Variants in STX8 observed in about 807,000 individuals in gnomAD.
STX8 encodes syntaxin-8.
A neutral mutation model predicts 37.5 loss-of-function variants in STX8; 23 were observed. The observed-to-expected ratio is 0.61, with a 90% CI of 0.44 to 0.87. STX8 has a LOEUF of 0.87. Ranked by LOEUF, STX8 falls within the 40% of genes least tolerant of loss-of-function variation. The pLI is 0.00. For synonymous variants in STX8, 115 were observed against 99.1 expected (o/e 1.16, Z -0.95); for missense variants, 313 against 284.7 (o/e 1.10, Z -0.71).
chr17:9,293,418 C>T (rs554593289), intron 7 of STX8, among the ~76,000 whole-genome samples: 1 of 152,136 alleles, frequency 6.6e-6, no homozygotes, highest in African/African-American at 2.4e-5. Context: ...AAGTCATCCC[C>T]TACCTGTAAT....
chr17:9,386,577 G>GGGCAGGCA (rs957695108), intron 6 of STX8, among the ~76,000 whole-genome samples: 6 of 151,910 alleles, frequency 3.9e-5, no homozygotes, highest in African/African-American at 9.7e-5. Flanking sequence ...GCTGGCAGGC[G>GGGCAGGCA]GGCAGGCAGG....
intron 6 of STX8, among the ~76,000 whole-genome samples, chr17:9,433,186 G>A (rs1277614445): frequency 1.3e-5 from 2 of 152,322 alleles, no homozygotes; most frequent in Non-Finnish European, 1.5e-5. Context: ...TGACACTAGC[G>A]TTTTGATGTG....
intron 6 of STX8, among the ~76,000 whole-genome samples, chr17:9,458,294 C>T (rs560929967): frequency 6.6e-6 from 1 of 152,304 alleles, no homozygotes; most frequent in Admixed American, 6.5e-5. Flanking sequence ...GGACTACAGG[C>T]GACCACTGCC....
chr17:9,305,588 A>T (rs973608499), intron 7 of STX8: 1 of 152,006 alleles, frequency 6.6e-6, no homozygotes. Flanking sequence ...ATGTAACTGC[A>T]TTGTAAGTTG....
intron 6 of STX8, among the ~76,000 whole-genome samples, chr17:9,445,619 G>T (rs554765641): frequency 2.0e-5 from 3 of 151,670 alleles, no homozygotes; most frequent in Non-Finnish European, 4.4e-5. Context: ...GTTGTAAATC[G>T]GAATAACAGA....
chr17:9,250,751 C>A, intron 7 of STX8, 106 bp from the exon 8 acceptor site: 1 of 1,204,456 alleles, frequency 8.3e-7, no homozygotes, highest in Non-Finnish European at 1.2e-6. Flanking sequence ...TCCCTCTGAG[C>A]CTTCAGTTTG....
intron 5 of STX8, among the ~76,000 whole-genome samples, chr17:9,503,466 A>T (rs1220329889): frequency 6.6e-6 from 1 of 152,210 alleles, no homozygotes; most frequent in Non-Finnish European, 1.5e-5. Context: ...GCCATTTATG[A>T]TCATATCAAC....
chr17:9,261,015 T>G (rs1907005417), intron 7 of STX8, among the ~76,000 whole-genome samples: 1 of 150,678 alleles, frequency 6.6e-6, no homozygotes, highest in Admixed American at 6.6e-5. Flanking sequence ...GGGGTGGGGG[T>G]TGGGATGAGA....
Position 9,476,625 on chromosome 17 carries a change from A to G in STX8, c.541+15204T>C, listed in dbSNP as rs376823684. ...ATGCCACCACACCCAGCTAATTTTTATATTTTTAGTAGAGATGGGGTTTCA... is the reference window on the plus strand; with the variant it reads ...ATGCCACCACACCCAGCTAATTTTTGTATTTTTAGTAGAGATGGGGTTTCA... On this transcript the variant is annotated intron_variant, in intron 6 of 7. Transcript: ENST00000306357. 7.3e-5 allele frequency among the ~76,000 whole-genome samples: 11 copies of G among 151,560 alleles called. No homozygotes were observed. In the East Asian group the frequency reaches 1.6e-3, roughly 21 times the overall value.
intron 7 of STX8, among the ~76,000 whole-genome samples, chr17:9,320,896 T>C (rs565355705): frequency 4.6e-4 from 59 of 127,400 alleles, no homozygotes; most frequent in Admixed American, 4.4e-3. Context: ...AAGACTATTT[T>C]CCAAAAAAAA....
At chr17:9,483,723 TCTC>T (rs1906449004) in intron 6 of STX8, among the ~76,000 whole-genome samples, 2 of 152,272 alleles carry the variant, frequency 1.3e-5, no homozygotes, top group Middle Eastern at 3.4e-3. Context: ...GACACGCTGG[TCTC>T]CTCAATTCCA....
chr17:9,307,462 C>A (rs1909040343), intron 7 of STX8, among the ~76,000 whole-genome samples: 1 of 152,196 alleles, frequency 6.6e-6, no homozygotes, highest in Admixed American at 6.5e-5. Flanking sequence ...AAGGCTAAAG[C>A]TGGGGGATTG....
rs1392304442 is a variant in STX8 at position 9,378,617 on chromosome 17, G to T, written c.578C>A (p.Thr193Lys). 1 of 1,613,778 alleles carries T rather than the reference G, an allele frequency of 6.2e-7. No homozygotes were observed. Among genetic ancestry groups the T allele is most frequent in the Non-Finnish European group, 8.5e-7 (1 of 1,179,772 alleles). Residue 193 changes from threonine (T) to lysine (K), a missense_variant, in exon 7 of 8, where the codon ACA becomes AAA. By Grantham distance (78) the Thr-to-Lys change is moderately conservative. Transcript: ENST00000306357. The stretch of plus-strand genomic sequence containing the variant: ...GGTTTCATTGCGAAGTTTTTCATCT[G>T]TGTTCTCCACTAGGTTGGCAAGGTC... ...IDDLANLVENTDEKLRNETRR... is the reference protein window; with the variant it reads ...IDDLANLVENKDEKLRNETRR...
intron 7 of STX8, among the ~76,000 whole-genome samples, chr17:9,280,199 G>A (rs977014558): frequency 6.6e-6 from 1 of 152,106 alleles, no homozygotes; most frequent in African/African-American, 2.4e-5. Context: ...CAGCGTAGGA[G>A]ACACAGTGAG....
In STX8 at chr17:9,547,101, A is replaced by G. The variant is rs149809815; in HGVS notation, c.213-1819T>C. ...CGTCTCTACTAAAAATATAAAAACT[A>G]GCCAGGCGTGGTGGCGTGCGCCTGT... On this transcript the variant is annotated intron_variant, in intron 3 of 7. Coordinates refer to ENST00000306357, the MANE Select transcript of STX8 (RefSeq NM_004853.3). Among the ~76,000 whole-genome samples, 1,515 of 151,832 alleles carry G rather than the reference A, an allele frequency of 1.0e-2. 23 individuals carry two copies. Among genetic ancestry groups the G allele is most frequent in the African/African-American group, 0.035 (1,448 of 41,450 alleles).
At chr17:9,260,258 G>GGCTGCAGTGAGCTGTGATTGCACC (rs1445873046) in intron 7 of STX8, among the ~76,000 whole-genome samples, 1 of 152,252 alleles carries the variant, frequency 6.6e-6, no homozygotes, top group Admixed American at 6.5e-5. Context: ...AGGAGTTCGA[G>GGCTGCAGTGAGCTGTGATTGCACC]GCTGCAGTGA....
intron 7 of STX8, among the ~76,000 whole-genome samples, chr17:9,272,767 T>G (rs1282453284): frequency 6.6e-6 from 1 of 152,216 alleles, no homozygotes; most frequent in Non-Finnish European, 1.5e-5. Context: ...TCTGCATTCT[T>G]GATAGCATGA....
At chr17:9,538,688 C>T (rs1906157856) in intron 4 of STX8, among the ~76,000 whole-genome samples, 1 of 152,134 alleles carries the variant, frequency 6.6e-6, no homozygotes, top group Non-Finnish European at 1.5e-5. Context: ...GTTAATATAT[C>T]CTTCTTGACA....
At chr17:9,364,571 C>T (rs1911166087) in intron 7 of STX8, among the ~76,000 whole-genome samples, 1 of 151,962 alleles carries the variant, frequency 6.6e-6, no homozygotes, top group South Asian at 2.1e-4. Context: ...GCTCTTGTTG[C>T]CCAGGCTGGA....
Sources: gnomAD v4.1 joint callset for allele counts (sites outside exome capture counted in the v4.1 genomes callset) on GRCh38, gnomAD v4.1.1 for gene constraint, MANE v1.5 for transcripts, NCBI Gene and HGNC (gene_info 2026-07-23, HGNC 2026-07-21) for gene names.